ITGA5: variants seen among roughly 807,000 people sequenced by gnomAD.
The protein encoded by ITGA5 is integrin alpha-5.
Under a neutral mutation model 146.3 loss-of-function variants are expected in ITGA5, and 55 were observed. The ratio of observed to expected loss-of-function variants is 0.38; its 90% CI spans 0.30 to 0.47. ITGA5 has a LOEUF of 0.47. Ranked by LOEUF, ITGA5 falls within the 20% of genes least tolerant of loss-of-function variation. The pLI is 0.99. For synonymous variants in ITGA5, 500 were observed against 531.8 expected (o/e 0.94, Z 0.82); for missense variants, 1,131 against 1,329.0 (o/e 0.85, Z 2.32).
chr12:54,405,841 G>A, intron 10 of ITGA5, 29 bp downstream of exon 10: 1 of 1,610,376 alleles, frequency 6.2e-7, no homozygotes, highest in Non-Finnish European at 8.5e-7. Context: ...CAGAGGCCAA[G>A]CTGGGGTGGG....
chr12:54,408,013 G>A lies in ITGA5; in HGVS notation c.817+97C>T, dbSNP rs375753019. On this transcript the variant is annotated intron_variant, in intron 7 of 29. Coordinates refer to ENST00000293379, the MANE Select transcript of ITGA5 (RefSeq NM_002205.5). ...CATGACAAGTATGGCAGGGGTGCTG[G>A]GGATGCCTGAGTAGGAGAGGGGAGG... The A allele has an allele frequency of 7.6e-5, 118 of 1,548,758 alleles. No individual in the cohort carries two copies. The African/African-American group carries it at 1.5e-3, about 19-fold the overall frequency.
At position 54,397,249 on chromosome 12, in the gene ITGA5, A is replaced by T. The variant is rs1955722625; in HGVS notation, c.3066+116T>A. On this transcript the variant is annotated intron_variant, in intron 29 of 29. Transcript: ENST00000293379. ...AGGATGGGATGCATGTAGCCAGGACAGAGGTGGGGGCACATGGCTGGTGAA... is the reference window on the plus strand; with the variant it reads ...AGGATGGGATGCATGTAGCCAGGACTGAGGTGGGGGCACATGGCTGGTGAA... 3 of 1,124,936 alleles carry T rather than the reference A, an allele frequency of 2.7e-6. No individual in the cohort carries two copies. In the Admixed American group the frequency reaches 5.5e-5, roughly 20 times the overall value. 69.7% of individuals were successfully genotyped at this position (1,124,936 alleles called of 1,614,324 possible). A position where few individuals can be genotyped will look rare whatever the true frequency, so the allele number is the denominator to read the frequency against.
At chr12:54,405,994 G>T in intron 9 of ITGA5, 68 bp from the exon 10 acceptor site, 1 of 1,393,100 alleles carries the variant, frequency 7.2e-7, no homozygotes, top group Non-Finnish European at 1.0e-6. Context: ...AAGAACAGAT[G>T]TGTACAGGAC....
At position 54,402,186 on chromosome 12, in the gene ITGA5, G is replaced by T. The variant is rs1955795256; in HGVS notation, c.2127C>A (p.His709Gln). Residue 709 changes from histidine to glutamine, a missense_variant, in exon 20 of 30, where the codon CAC becomes CAA. Coordinates refer to ENST00000293379, the MANE Select transcript of ITGA5 (RefSeq NM_002205.5). ...CTCGAGAGTCTCATCTCACCCCTGG[G>T]TGTCTGACGAGTCCTGAGTACTCAG... ...PEAEYSGLVR[H>Q]PGNFSSLSCD... is the part of the protein sequence containing the mutation. 1 of 1,613,404 alleles carries T rather than the reference G, an allele frequency of 6.2e-7. No individual in the cohort carries two copies. Among genetic ancestry groups the T allele is most frequent in the Non-Finnish European group, 8.5e-7 (1 of 1,179,552 alleles).
Position 54,398,704 on chromosome 12 carries a change from G to A in ITGA5, c.2842-6C>T. 1 of 1,591,810 alleles carries A rather than the reference G, an allele frequency of 6.3e-7. No individual in the cohort carries two copies. Among genetic ancestry groups the A allele is most frequent in the Non-Finnish European group, 8.5e-7 (1 of 1,169,682 alleles). On this transcript the variant is annotated splice_region_variant and splice_polypyrimidine_tract_variant and intron_variant, in intron 27 of 29. Coordinates refer to ENST00000293379, the MANE Select transcript of ITGA5 (RefSeq NM_002205.5). ...CTAAATGGCTGGTGCTCCCGCTGTG[G>A]GTAGGGGAAAGTTGGTTAGCACATC... is the stretch of plus-strand genomic sequence containing the variant.
chr12:54,408,466 G>A (rs1389140577), intron 6 of ITGA5, among the ~76,000 whole-genome samples: 1 of 152,084 alleles, frequency 6.6e-6, no homozygotes, highest in South Asian at 2.1e-4. Context: ...GGCGGCTCAT[G>A]CCTATAATCC....
chr12:54,408,775 T>C lies in ITGA5; in HGVS notation c.672A>G (p.Pro224=), dbSNP rs1409398507. 6 of 1,611,236 alleles carry C rather than the reference T, an allele frequency of 3.7e-6. No individual in the cohort carries two copies. The African/African-American group carries it at 4.0e-5, about 11-fold the overall frequency. Residue 224 remains proline (P), a synonymous_variant, in exon 6 of 30, where the codon CCA becomes CCG. Transcript: ENST00000293379. ...ACTTACCTTGCCAGAAATAGCTTCC[T>C]GGTCCACCTAAAACCACACGGCCAG... is the stretch of plus-strand genomic sequence containing the variant. ...TKTGRVVLGG[P]GSYFWQGQIL... is the part of the protein sequence containing the mutation.
chr12:54,415,695 G>T (rs1207564427), intron 1 of ITGA5, among the ~76,000 whole-genome samples: 1 of 152,322 alleles, frequency 6.6e-6, no homozygotes, highest in East Asian at 1.9e-4. Flanking sequence ...CTGTTGGCCT[G>T]ACAAGGTCAG....
chr12:54,399,917 G>T lies in ITGA5; in HGVS notation c.2674C>A (p.Gln892Lys), dbSNP rs1398040309. The stretch of plus-strand genomic sequence containing the variant: ...CTGCGGCTTGGAGCTTCCCGTTTTT[G>T]CTGGTGGTGCAGGGAACCCTCGGGA... ...LDPEGSLHHQ[Q>K]KREAPSRSSA... is the part of the protein sequence containing the mutation. The change falls in exon 26 of 30, where the codon CAA becomes AAA. Residue 892 changes from glutamine (Q) to lysine (K), a missense_variant. Gln to Lys is a moderately conservative substitution (Grantham distance 53). Coordinates refer to ENST00000293379, the MANE Select transcript of ITGA5 (RefSeq NM_002205.5). 3.1e-6 allele frequency: 5 copies of T among 1,614,082 alleles called. No homozygotes were observed. Among genetic ancestry groups the T allele is most frequent in the Non-Finnish European group, 4.2e-6 (5 of 1,179,986 alleles).
At position 54,402,204 on chromosome 12, in the gene ITGA5, G is replaced by A. The variant is rs373763743; in HGVS notation, c.2109C>T (p.Tyr703=). ...LRVTAPPEAE[Y]SGLVRHPGNF... is the part of the protein sequence containing the mutation. The stretch of plus-strand genomic sequence containing the variant: ...CCCCTGGGTGTCTGACGAGTCCTGA[G>A]TACTCAGCCTCTGGAGGGGCGGTGA... Residue 703 remains tyrosine, a synonymous_variant, in exon 20 of 30, where the codon TAC becomes TAT. Transcript: ENST00000293379. 4 of 1,613,844 alleles carry A rather than the reference G, an allele frequency of 2.5e-6. No individual in the cohort carries two copies. The highest frequency in any genetic ancestry group is 2.7e-5 in the African/African-American group (2 of 74,900).
Position 54,398,679 on chromosome 12 carries a change from C to T in ITGA5, c.2861G>A (p.Ser954Asn), listed in dbSNP as rs142582287. The change falls in exon 28 of 30, where the codon AGC becomes AAC. Residue 954 changes from serine to asparagine, a missense_variant. Physicochemically the swap from Ser to Asn is conservative, Grantham distance 46. This residue lies in a region of ITGA5 where 889 missense variants were observed against 1,021.5 expected (regional missense o/e 0.87). Coordinates refer to ENST00000293379, the MANE Select transcript of ITGA5 (RefSeq NM_002205.5). The part of the protein sequence containing the change: ...TFLQREHQPF[S>N]LQCEAVYKAL... ...TTTGTACACAGCCTCACACTGCAGG[C>T]TAAATGGCTGGTGCTCCCGCTGTGG... 3 of 1,603,890 alleles carry T rather than the reference C, an allele frequency of 1.9e-6. No individual in the cohort carries two copies. The highest frequency in any genetic ancestry group is 2.7e-5 in the African/African-American group (2 of 74,196).
intron 28 of ITGA5, among the ~76,000 whole-genome samples, chr12:54,398,010 G>T (rs1955734516): frequency 6.6e-6 from 1 of 151,300 alleles, no homozygotes; most frequent in Non-Finnish European, 1.5e-5. Context: ...CGATCCTCCT[G>T]CCTCAGCCTC....
chr12:54,412,054 G>A (rs1423888914), intron 1 of ITGA5, 90 bp from the exon 2 acceptor site: 2 of 1,111,856 alleles, frequency 1.8e-6, no homozygotes, highest in Non-Finnish European at 2.4e-6. Flanking sequence ...TCTAGGCTGG[G>A]GCTGGCTGGG....
rs1204298444 is a variant in ITGA5, at chr12:54,404,774, G to A, written c.1346C>T (p.Ala449Val). The A allele has an allele frequency of 1.2e-6, 2 of 1,614,070 alleles. No homozygotes were observed. Among genetic ancestry groups the A allele is most frequent in the South Asian group, 2.2e-5 (2 of 91,082 alleles). Reference protein sequence around the residue: ...PSQVLQPLWAASHTPDFFGSA... With the variant: ...PSQVLQPLWAVSHTPDFFGSA... ...GCCAAAGAAGTCTGGGGTGTGGCTG[G>A]CTGCCCACAGGGGCTGCAGAACCTG... Residue 449 changes from alanine to valine, a missense_variant, in exon 13 of 30, where the codon GCC becomes GTC. This residue lies in a region of ITGA5 where 889 missense variants were observed against 1,021.5 expected (regional missense o/e 0.87). Coordinates refer to ENST00000293379, the MANE Select transcript of ITGA5 (RefSeq NM_002205.5).
At chr12:54,398,839 T>C (rs954115600) in intron 27 of ITGA5, 141 bp from the exon 28 acceptor site, 9 of 380,534 alleles carry the variant, frequency 2.4e-5, no homozygotes, top group South Asian at 8.5e-5. Context: ...CTCTCTCTTT[T>C]TTTTTTTTTT....
At position 54,403,702 on chromosome 12, in the gene ITGA5, G is replaced by T. The variant is rs200536043; in HGVS notation, c.1699C>A (p.Gln567Lys). ...AGCAGGGTCTGGGTCAGGGTTGCCTGCCTGGAGGCCAGGAACAGTGCCCGC... is the reference window on the plus strand; with the variant it reads ...AGCAGGGTCTGGGTCAGGGTTGCCTTCCTGGAGGCCAGGAACAGTGCCCGC... Reference protein sequence around the residue: ...VRRALFLASRQATLTQTLLIQ... With the variant: ...VRRALFLASRKATLTQTLLIQ... Residue 567 changes from glutamine to lysine, a missense_variant, in exon 17 of 30, where the codon CAG becomes AAG. Gln to Lys is a moderately conservative substitution (Grantham distance 53). Around this residue, in one of 3 missense-constraint regions of ITGA5, gnomAD observed 889 missense variants for 1,021.5 expected, o/e 0.87. Transcript: ENST00000293379. The surrounding 1 kb of genome is among the most constrained non-coding windows in gnomAD (Gnocchi z 4.9). 6.2e-7 allele frequency: 1 copy of T among 1,614,150 alleles called. No homozygotes were observed. Among genetic ancestry groups the T allele is most frequent in the East Asian group, 2.2e-5 (1 of 44,882 alleles).
At chr12:54,396,463 C>A in intron 29 of ITGA5, 87 bp from the exon 30 acceptor site, 4 of 1,050,120 alleles carry the variant, frequency 3.8e-6, no homozygotes, top group Non-Finnish European at 5.9e-6. Flanking sequence ...AAGGAGGACT[C>A]TAGTGCCTCC....
In ITGA5 at chr12:54,401,833, G is replaced by A. The variant is rs149930559; in HGVS notation, c.2249C>T (p.Thr750Ile). 5 of 1,614,034 alleles carry A rather than the reference G, an allele frequency of 3.1e-6. No individual in the cohort carries two copies. The highest frequency in any genetic ancestry group is 4.5e-5 in the East Asian group (2 of 44,900). ...CTTAGTGTCCCGGAGATGAGGGACT[G>A]TAAACCGAAGGCCACCCCACAGCTG... is the stretch of plus-strand genomic sequence containing the variant. ...GASLWGGLRF[T>I]VPHLRDTKKT... Residue 750 changes from threonine to isoleucine, a missense_variant, in exon 22 of 30, where the codon ACA becomes ATA. Around this residue, in one of 3 missense-constraint regions of ITGA5, gnomAD observed 889 missense variants for 1,021.5 expected, o/e 0.87. Coordinates refer to ENST00000293379, the MANE Select transcript of ITGA5 (RefSeq NM_002205.5). This position sits in a 1 kb window ranked among gnomAD's most constrained non-coding sequence, Gnocchi z 5.0.
At chr12:54,411,996 T>G (rs1359259314) in intron 1 of ITGA5, 32 bp from the exon 2 acceptor site, 3 of 1,539,274 alleles carry the variant, frequency 1.9e-6, no homozygotes, top group African/African-American at 1.4e-5. Context: ...CAGTTGAGGA[T>G]GGCTCCTAGC....
Sources: gnomAD v4.1 joint callset for allele counts (sites outside exome capture counted in the v4.1 genomes callset) on GRCh38, gnomAD v4.1.1 for gene constraint, gnomAD v4.1.1 regional missense constraint, Gnocchi (gnomAD v3.1) non-coding constraint, MANE v1.5 for transcripts, NCBI Gene and HGNC (gene_info 2026-07-23, HGNC 2026-07-21) for gene names.